The following ITGA9 variants were observed in gnomAD, a reference collection of about 807,000 sequenced individuals.
The protein encoded by ITGA9 is integrin subunit alpha 9.
A neutral mutation model predicts 127.8 loss-of-function variants in ITGA9; 56 were observed. The ratio of observed to expected loss-of-function variants is 0.44; its 90% confidence interval spans 0.35 to 0.55. The LOEUF is 0.55. Among genes scored for constraint, ITGA9 ranks in the 20% least tolerant of loss-of-function variants. ITGA9 has a pLI of 0.00. For missense variants in ITGA9, 1,196 were observed against 1,347.1 expected (o/e 0.89, Z 1.76); for synonymous variants, 508 against 514.5 (o/e 0.99, Z 0.17).
chr3:37,591,457 G>A (rs1400208884), intron 15 of ITGA9, among the ~76,000 whole-genome samples: 1 of 152,156 alleles, frequency 6.6e-6, no homozygotes, highest in Non-Finnish European at 1.5e-5. Flanking sequence ...TATTCAAGTC[G>A]CCTCTGTGGC....
chr3:37,762,944 A>C (rs771006502), intron 23 of ITGA9, among the ~76,000 whole-genome samples: 2 of 152,322 alleles, frequency 1.3e-5, no homozygotes, highest in South Asian at 4.1e-4. Flanking sequence ...CCTGGTCTAA[A>C]GCATGAGACT....
intron 18 of ITGA9, among the ~76,000 whole-genome samples, chr3:37,684,928 C>T (rs1050877986): frequency 3.3e-5 from 5 of 152,052 alleles, no homozygotes; most frequent in African/African-American, 1.2e-4. Flanking sequence ...CCGAGTGTAC[C>T]ACCTCTCAGA....
intron 9 of ITGA9, among the ~76,000 whole-genome samples, chr3:37,515,814 C>T (rs79603849): frequency 0.032 from 4,800 of 152,090 alleles, 108 homozygotes; most frequent in Non-Finnish European, 0.05. Context: ...CCTTGAGCAC[C>T]GGAGTTTGAG....
At chr3:37,568,324 A>AAACC (rs936889607) in intron 15 of ITGA9, among the ~76,000 whole-genome samples, 2 of 152,148 alleles carry the variant, frequency 1.3e-5, no homozygotes, top group African/African-American at 4.8e-5. Flanking sequence ...CTGGCCCATG[A>AAACC]AACCATTTTT....
chr3:37,661,320 C>G (rs1199931158), intron 17 of ITGA9, among the ~76,000 whole-genome samples: 1 of 152,148 alleles, frequency 6.6e-6, no homozygotes, highest in African/African-American at 2.4e-5. Context: ...AAGCTCTCAG[C>G]CTCTTAGGTT....
chr3:37,616,966 A>G (rs1700081202), intron 15 of ITGA9, among the ~76,000 whole-genome samples: 1 of 152,182 alleles, frequency 6.6e-6, no homozygotes, highest in South Asian at 2.1e-4. Flanking sequence ...ATTTACATTT[A>G]AGGTTAATAT....
chr3:37,651,296 A>G lies in ITGA9; in HGVS notation c.1840-2418A>G, dbSNP rs541609482. On this transcript the variant is annotated intron_variant, in intron 16 of 27. Coordinates refer to ENST00000264741, the MANE Select transcript of ITGA9 (RefSeq NM_002207.3). ...AGGACAAGGAAAATGAGTCTTTACA[A>G]AGCAACCAATTCCTCGTGAGAAGTC... Among the ~76,000 whole-genome samples, 12 of 152,346 alleles carry G rather than the reference A, an allele frequency of 7.9e-5. No individual in the cohort carries two copies. In the East Asian group the frequency reaches 2.3e-3, roughly 29 times the overall value.
chr3:37,732,822 T>A, intron 19 of ITGA9, 24 bp downstream of exon 19: 2 of 1,564,162 alleles, frequency 1.3e-6, no homozygotes, highest in Non-Finnish European at 1.7e-6. Context: ...ACGGGACCCT[T>A]CCTCAGCAGC....
intron 3 of ITGA9, among the ~76,000 whole-genome samples, chr3:37,479,570 CCTCA>C (rs949103799): frequency 6.6e-6 from 1 of 152,178 alleles, no homozygotes; most frequent in Non-Finnish European, 1.5e-5. Flanking sequence ...CCAAGAGCCC[CCTCA>C]CTCACTCGGT....
intron 3 of ITGA9, among the ~76,000 whole-genome samples, chr3:37,474,465 A>G (rs78247365): frequency 0.075 from 11,394 of 152,192 alleles, 514 homozygotes; most frequent in African/African-American, 0.13. Flanking sequence ...GTTTTTGTCA[A>G]TTTTTCCTTT....
At chr3:37,756,445 A>G (rs1186671081) in intron 23 of ITGA9, among the ~76,000 whole-genome samples, 3 of 152,196 alleles carry the variant, frequency 2.0e-5, no homozygotes, top group African/African-American at 7.2e-5. Flanking sequence ...AAGTAGGAGT[A>G]AAATAATGAG....
intron 15 of ITGA9, among the ~76,000 whole-genome samples, chr3:37,617,760 A>G (rs1349738339): frequency 6.6e-6 from 1 of 152,124 alleles, no homozygotes; most frequent in Non-Finnish European, 1.5e-5. Context: ...CGAATTGGCT[A>G]CTGAGGCTTG....
Position 37,818,969 on chromosome 3 carries a change from T to G in ITGA9, c.3088T>G (p.Trp1030Gly), listed in dbSNP as rs996513414. Residue 1030 changes from tryptophan to glycine, a missense_variant, in exon 28 of 28, where the codon TGG (tryptophan) becomes GGG (glycine). Physicochemically the swap from Trp to Gly is radical, Grantham distance 184. Transcript: ENST00000264741. ...NRKENEDSWD[W>G]VQKNQ ...GAAAGAGAATGAAGACAGTTGGGAC[T>G]GGGTCCAGAAAAACCAGTGAGCTGC... 6.2e-7 allele frequency: 1 copy of G among 1,613,830 alleles called. No individual in the cohort carries two copies.
intron 14 of ITGA9, among the ~76,000 whole-genome samples, chr3:37,536,690 C>T (rs571790614): frequency 2.6e-5 from 4 of 152,294 alleles, no homozygotes; most frequent in South Asian, 4.1e-4. Flanking sequence ...AGCTCATTAG[C>T]GGGACACAAG....
chr3:37,604,802 A>G (rs1442788361), intron 15 of ITGA9, among the ~76,000 whole-genome samples: 2 of 152,178 alleles, frequency 1.3e-5, no homozygotes, highest in African/African-American at 4.8e-5. Flanking sequence ...AGTTGAGGGA[A>G]ATCATGCAGA....
At chr3:37,782,777 A>G (rs988607853) in intron 25 of ITGA9, among the ~76,000 whole-genome samples, 1 of 152,206 alleles carries the variant, frequency 6.6e-6, no homozygotes, top group African/African-American at 2.4e-5. Flanking sequence ...GCCCCAGACA[A>G]GGGAATTTGA....
chr3:37,762,229 T>C (rs1696731033), intron 23 of ITGA9, among the ~76,000 whole-genome samples: 1 of 152,218 alleles, frequency 6.6e-6, no homozygotes, highest in South Asian at 2.1e-4. Flanking sequence ...CCTTGGTCTT[T>C]TTCACTGAAA....
chr3:37,747,531 C>G (rs1437981621), intron 22 of ITGA9, among the ~76,000 whole-genome samples: 1 of 149,658 alleles, frequency 6.7e-6, no homozygotes, highest in Non-Finnish European at 1.5e-5. Flanking sequence ...CACCACCCCC[C>G]GCCACAGCCA....
At position 37,655,299 on chromosome 3, in the gene ITGA9, A is replaced by G. The variant is rs146262199; in HGVS notation, c.1916+1509A>G. On this transcript the variant is annotated intron_variant, in intron 17 of 27. Coordinates refer to ENST00000264741, the MANE Select transcript of ITGA9 (RefSeq NM_002207.3). Reference sequence around the variant, plus strand: ...TTTTCCACAATAGTTGAACTAATTTACACTCCCACCAACAGTGTAAAAGCA... The same window carrying G: ...TTTTCCACAATAGTTGAACTAATTTGCACTCCCACCAACAGTGTAAAAGCA... Among the ~76,000 whole-genome samples, 338 of 152,308 alleles carry G rather than the reference A, an allele frequency of 2.2e-3. 3 individuals carry two copies. The highest frequency in any genetic ancestry group is 7.7e-3 in the African/African-American group (320 of 41,558).
Sources: allele counts gnomAD v4.1 joint callset (sites outside exome capture counted in the v4.1 genomes callset), GRCh38; gene constraint gnomAD v4.1.1; transcripts MANE v1.5; gene names NCBI Gene and HGNC (gene_info 2026-07-23, HGNC 2026-07-21).